ASB3: variants seen among roughly 807,000 people sequenced by gnomAD.
The protein encoded by ASB3 is ankyrin repeat and SOCS box protein 3.
Under a neutral mutation model 54.5 loss-of-function variants are expected in ASB3, and 41 were observed. That is an observed-to-expected ratio of 0.75 (90% CI 0.59 to 0.98). The LOEUF (loss-of-function observed/expected upper bound fraction) is 0.98. ASB3 is among the 50% of genes least tolerant of loss of function. The pLI, the probability that ASB3 is intolerant of heterozygous loss-of-function variation, is 0.00. For synonymous variants in ASB3, 266 were observed against 221.2 expected (o/e 1.20, Z -1.80); for missense variants, 733 against 620.0 (o/e 1.18, Z -1.94).
At chr2:53,768,925 C>G (rs899954915) in intron 1 of ASB3, among the ~76,000 whole-genome samples, 1 of 152,152 alleles carries the variant, frequency 6.6e-6, no homozygotes, top group African/African-American at 2.4e-5. Flanking sequence ...GATCAAGGCG[C>G]TAAAGTAGTT....
intron 7 of ASB3, among the ~76,000 whole-genome samples, chr2:53,702,649 GGA>G (rs1474992783): frequency 2.6e-5 from 4 of 152,172 alleles, no homozygotes; most frequent in Non-Finnish European, 4.4e-5. Context: ...GATACTGAGA[GGA>G]GAGATTTAAA....
intron 3 of ASB3, among the ~76,000 whole-genome samples, chr2:53,741,178 G>A (rs1306688565): frequency 6.6e-6 from 1 of 152,124 alleles, no homozygotes; most frequent in East Asian, 1.9e-4. Flanking sequence ...ATTTATGTAG[G>A]AGCAACATTT....
At chr2:53,749,598 T>C (rs1672410095) in intron 3 of ASB3, among the ~76,000 whole-genome samples, 1 of 152,106 alleles carries the variant, frequency 6.6e-6, no homozygotes, top group South Asian at 2.1e-4. Context: ...TTTAATCACA[T>C]CTATTTAATA....
At chr2:53,733,534 T>C (rs1380461609) in intron 3 of ASB3, among the ~76,000 whole-genome samples, 1 of 151,980 alleles carries the variant, frequency 6.6e-6, no homozygotes, top group East Asian at 1.9e-4. Context: ...CTCTGTCTCC[T>C]GGGTTCAAGC....
At chr2:53,716,448 G>T in intron 6 of ASB3, 118 bp downstream of exon 6, 1 of 1,280,318 alleles carries the variant, frequency 7.8e-7, no homozygotes, top group Non-Finnish European at 1.1e-6. Context: ...TCACCCAGCA[G>T]ATTGGTAGGG....
intron 2 of ASB3, chr2:53,756,825 G>C (rs115449885): frequency 3.3e-5 from 5 of 152,988 alleles, no homozygotes; most frequent in African/African-American, 1.2e-4. Flanking sequence ...ATCTGGCAGG[G>C]TGTCCACTGC....
intron 5 of ASB3, among the ~76,000 whole-genome samples, chr2:53,726,878 G>C (rs1423871030): frequency 1.3e-5 from 2 of 151,902 alleles, no homozygotes; most frequent in Non-Finnish European, 2.9e-5. Context: ...ATTTTCAGTA[G>C]AGACAGGGTT....
intron 6 of ASB3, 31 bp downstream of exon 6, chr2:53,716,535 A>G (rs757638165): frequency 1.3e-6 from 2 of 1,597,960 alleles, no homozygotes; most frequent in South Asian, 1.1e-5. Flanking sequence ...TGATTAAGAG[A>G]CCATGTTTAT....
chr2:53,720,011 G>T lies in ASB3; in HGVS notation c.605-3268C>A, dbSNP rs1301820119. On this transcript the variant is annotated intron_variant, in intron 5 of 9. Coordinates refer to ENST00000263634, the MANE Select transcript of ASB3 (RefSeq NM_016115.5). ...AGCTACTAAGATTAGAAAAAGTTAC[G>T]TACCTCCCTCACAAGGAATTTCCCT... Among the ~76,000 whole-genome samples the T allele has an allele frequency of 2.6e-5, 4 of 151,960 alleles. No homozygotes were observed. In the East Asian group the frequency reaches 7.7e-4, roughly 29 times the overall value.
chr2:53,719,035 C>G (rs1670553684), intron 5 of ASB3, among the ~76,000 whole-genome samples: 1 of 152,146 alleles, frequency 6.6e-6, no homozygotes, highest in Non-Finnish European at 1.5e-5. Context: ...ATTCTCCTGC[C>G]TCAGCCTCCC....
In ASB3 at chr2:53,691,414, A is replaced by G. The variant is rs1057058483; in HGVS notation, c.1369+2470T>C. On this transcript the variant is annotated intron_variant, in intron 9 of 9. Coordinates refer to ENST00000263634, the MANE Select transcript of ASB3 (RefSeq NM_016115.5). ...AGGAATTATCTAAGAGTTTACTAACAGTGGCAGAGGTGCAAGAAGTATCTT... is the reference window on the plus strand; with the variant it reads ...AGGAATTATCTAAGAGTTTACTAACGGTGGCAGAGGTGCAAGAAGTATCTT... 2.0e-5 allele frequency among the ~76,000 whole-genome samples: 3 copies of G among 152,210 alleles called. No individual in the cohort carries two copies. The South Asian group carries it at 6.2e-4, about 31-fold the overall frequency.
intron 1 of ASB3, chr2:53,771,817 A>G: frequency 2.6e-6 from 2 of 767,278 alleles, no homozygotes; most frequent in Non-Finnish European, 2.3e-6. Context: ...AATATAATTC[A>G]AATATTCCAT....
Position 53,729,510 on chromosome 2 carries a change from T to C in ASB3, c.416A>G (p.Asn139Ser). The C allele has an allele frequency of 6.2e-7, 1 of 1,613,946 alleles. No homozygotes were observed. The highest frequency in any genetic ancestry group is 8.5e-7 in the Non-Finnish European group (1 of 1,179,840). The change falls in exon 4 of 10, where the codon AAT becomes AGT. Residue 139 changes from asparagine to serine, a missense_variant. Coordinates refer to ENST00000263634, the MANE Select transcript of ASB3 (RefSeq NM_016115.5). ...RLLLQHGANVNGSHSMCGWNS... is the reference protein window; with the variant it reads ...RLLLQHGANVSGSHSMCGWNS... Reference sequence around the variant, plus strand: ...CCATCCACACATAGAATGGGATCCATTAACATTTGCTCCGTGTTGAAGCAA... The same window carrying C: ...CCATCCACACATAGAATGGGATCCACTAACATTTGCTCCGTGTTGAAGCAA...
At chr2:53,778,822 A>G (rs1674495150) in intron 1 of ASB3, among the ~76,000 whole-genome samples, 2 of 152,266 alleles carry the variant, frequency 1.3e-5, no homozygotes, top group East Asian at 1.9e-4. Context: ...TATCTTGGCT[A>G]TTGTGATTAA....
intron 9 of ASB3, among the ~76,000 whole-genome samples, chr2:53,674,220 G>A (rs996653901): frequency 1.3e-5 from 2 of 152,096 alleles, no homozygotes; most frequent in African/African-American, 2.4e-5. Flanking sequence ...CCATGTTCTT[G>A]GATTATGGCA....
chr2:53,767,611 G>C (rs1413772546), intron 1 of ASB3: 4 of 426,548 alleles, frequency 9.4e-6, no homozygotes, highest in Admixed American at 3.6e-5. Context: ...ACTAAAGGTA[G>C]GTTAGGGTGA....
intron 3 of ASB3, among the ~76,000 whole-genome samples, chr2:53,739,177 A>G (rs1434343823): frequency 3.3e-5 from 5 of 152,224 alleles, no homozygotes; most frequent in Admixed American, 2.6e-4. Flanking sequence ...AAAATGAAGC[A>G]ATCTGGAAAA....
At position 53,700,356 on chromosome 2, in the gene ASB3, T is replaced by C. The variant is rs765788812; in HGVS notation, c.1153A>G (p.Ile385Val). ...TCCTTATATTTTGCTTGTGCTTTAA[T>C]TGCATGATTTACAAATTCATATATA... ...NHIYEFVNHAIKAQAKYKEWL... is the reference protein window; with the variant it reads ...NHIYEFVNHAVKAQAKYKEWL... The change falls in exon 8 of 10, where the codon ATT becomes GTT. Residue 385 changes from isoleucine to valine, a missense_variant. Transcript: ENST00000263634. 8.1e-6 allele frequency: 13 copies of C among 1,614,134 alleles called. No individual in the cohort carries two copies. The East Asian group carries it at 8.9e-5, about 11-fold the overall frequency.
At chr2:53,762,551 G>A (rs1160597680) in intron 2 of ASB3, among the ~76,000 whole-genome samples, 1 of 152,182 alleles carries the variant, frequency 6.6e-6, no homozygotes, top group Non-Finnish European at 1.5e-5. Context: ...CTATGAGCTA[G>A]ATCATTTATT....
Sources: allele counts gnomAD v4.1 joint callset (sites outside exome capture counted in the v4.1 genomes callset), GRCh38; gene constraint gnomAD v4.1.1; transcripts MANE v1.5; gene names NCBI Gene and HGNC (gene_info 2026-07-23, HGNC 2026-07-21).